STAB1: variants seen among roughly 807,000 people sequenced by gnomAD.
The protein encoded by STAB1 is stabilin 1, also known as stabilin-1.
In STAB1, 250 loss-of-function variants were observed where a neutral mutation model predicts 332.4. The observed-to-expected ratio is 0.75, with a 90% CI of 0.68 to 0.84. STAB1 has a LOEUF of 0.84. Ranked by LOEUF, STAB1 falls within the 40% of genes least tolerant of loss-of-function variation. The pLI, the probability that STAB1 is intolerant of heterozygous loss-of-function variation, is 0.00. For missense variants in STAB1, 3,249 were observed against 3,489.7 expected (o/e 0.93, Z 1.74); for synonymous variants, 1,475 against 1,390.4 (o/e 1.06, Z -1.35).
At chr3:52,512,264 A>C (rs1709350298) in intron 26 of STAB1, 77 bp from the exon 27 acceptor site, 1 of 1,399,016 alleles carries the variant, frequency 7.1e-7, no homozygotes, top group African/African-American at 1.4e-5. Context: ...GTGGCTGGAC[A>C]GGCAGAAAGA....
rs1367835807 is a variant in STAB1 at position 52,509,910 on chromosome 3, C to A, written c.2388C>A (p.Gly796=). ...ATGGTCTCTGCGACAACCGCCCAGG[C>A]AGTGGGGGGGTGTGCCAGCAGGGCA... ...CVHGLCDNRP[G]SGGVCQQGTC... is the part of the protein sequence containing the mutation. The change falls in exon 23 of 69, where the codon GGC becomes GGA. Residue 796 remains glycine (G), a synonymous_variant. Transcript: ENST00000321725. The A allele has an allele frequency of 6.2e-7, 1 of 1,613,054 alleles. No individual in the cohort carries two copies. The highest frequency in any genetic ancestry group is 2.2e-5 in the East Asian group (1 of 44,882).
intron 25 of STAB1, among the ~76,000 whole-genome samples, chr3:52,511,249 T>C (rs2153233517): frequency 6.6e-6 from 1 of 152,186 alleles, no homozygotes; most frequent in Non-Finnish European, 1.5e-5. Context: ...TGGCATTTGG[T>C]TGGGGGATTA....
In STAB1 at chr3:52,518,579, T is replaced by A; in HGVS notation, c.4853T>A (p.Val1618Glu). 1 of 1,601,826 alleles carries A rather than the reference T, an allele frequency of 6.2e-7. No homozygotes were observed. The highest frequency in any genetic ancestry group is 8.5e-7 in the Non-Finnish European group (1 of 1,174,416). The part of the protein sequence containing the change: ...LKGDGPFTIF[V>E]PHADLMSNLS... ...GGCGATGGGCCTTTCACCATCTTCG[T>A]GCCGCACGCAGATCTAATGAGCAAC... Residue 1618 changes from valine (V) to glutamate (E), a missense_variant, in exon 47 of 69, where the codon GTG becomes GAG. Transcript: ENST00000321725.
Position 52,503,800 on chromosome 3 carries a change from T to A in STAB1, c.920T>A (p.Val307Asp), listed in dbSNP as rs1708632537. ...QAFCTCRPGLVSINSNASAGC... is the reference protein window; with the variant it reads ...QAFCTCRPGLDSINSNASAGC... ...TTCTGCACCTGCCGGCCAGGCCTGG[T>A]CAGCATCAACAGCAACGCTTCTGCG... is the stretch of plus-strand genomic sequence containing the variant. The change falls in exon 9 of 69, where the codon GTC becomes GAC. Residue 307 changes from valine to aspartate, a missense_variant. Coordinates refer to ENST00000321725, the MANE Select transcript of STAB1 (RefSeq NM_015136.3). 1.2e-6 allele frequency: 2 copies of A among 1,613,158 alleles called. No individual in the cohort carries two copies. The highest frequency in any genetic ancestry group is 2.2e-5 in the East Asian group (1 of 44,890).
intron 16 of STAB1, 52 bp from the exon 17 acceptor site, chr3:52,506,118 C>T (rs1708841540): frequency 6.4e-7 from 1 of 1,574,122 alleles, no homozygotes; most frequent in East Asian, 2.3e-5. Flanking sequence ...CTGGGCGTGG[C>T]CCCAAGGTAT....
intron 1 of STAB1, among the ~76,000 whole-genome samples, chr3:52,497,338 T>C (rs1284827690): frequency 6.6e-6 from 1 of 151,954 alleles, no homozygotes; most frequent in Admixed American, 6.6e-5. Context: ...GTATTCGGTA[T>C]TATAAGTCGT....
chr3:52,505,556 T>C, intron 14 of STAB1, 112 bp from the exon 15 acceptor site: 1 of 1,235,050 alleles, frequency 8.1e-7, no homozygotes, highest in Non-Finnish European at 1.1e-6. Context: ...TGCCCATGTC[T>C]CCCCCTTACT....
intron 25 of STAB1, 28 bp downstream of exon 25, chr3:52,510,535 G>A: frequency 6.2e-7 from 1 of 1,602,876 alleles, no homozygotes; most frequent in Non-Finnish European, 8.5e-7. Flanking sequence ...AGGGGTGGGG[G>A]CCTTGGTTCT....
Position 52,522,364 on chromosome 3 carries a change from T to C in STAB1, c.6500T>C (p.Val2167Ala), listed in dbSNP as rs760094174. 1.8e-5 allele frequency: 29 copies of C among 1,612,878 alleles called. No individual in the cohort carries two copies. The highest frequency in any genetic ancestry group is 6.7e-5 in the East Asian group (3 of 44,884). Residue 2167 changes from valine (V) to alanine (A), a missense_variant, in exon 60 of 69, where the codon GTA (valine) becomes GCA (alanine). Transcript: ENST00000321725. ...CGCTGTGAGTGCCACGCAGGCTACG[T>C]AGGCGATGGACTGCAGTGTCTGGAG... ...TRRCECHAGY[V>A]GDGLQCLEES...
intron 67 of STAB1, 30 bp downstream of exon 67, chr3:52,524,047 G>C (rs991276774): frequency 6.2e-7 from 1 of 1,612,126 alleles, no homozygotes; most frequent in Non-Finnish European, 8.5e-7. Context: ...GCCATGGCGG[G>C]TCCTTGGATC....
In STAB1 at chr3:52,497,300, A is replaced by G. The variant is rs558691064; in HGVS notation, c.78+1809A>G. Among the ~76,000 whole-genome samples, 8 of 150,812 alleles carry G rather than the reference A, an allele frequency of 5.3e-5. No individual in the cohort carries two copies. In the East Asian group the frequency reaches 1.6e-3, roughly 30 times the overall value. On this transcript the variant is annotated intron_variant, in intron 1 of 68. Coordinates refer to ENST00000321725, the MANE Select transcript of STAB1 (RefSeq NM_015136.3). The stretch of plus-strand genomic sequence containing the variant: ...CCACCGTGCCCAACCCCATGTTCAG[A>G]CTTTTCTATGTACATAGCATTTACA...
rs868826760 is a variant in STAB1, at chr3:52,516,445, G to A, written c.4234G>A (p.Asp1412Asn). ...CGTGGGCTGGCAGGGCCTCCGCTGT[G>A]ACCAGAGTGAGTGGGTCCCAATGGG... ...CNVGWQGLRCDQKITSPQCPR... is the reference protein window; with the variant it reads ...CNVGWQGLRCNQKITSPQCPR... The change falls in exon 39 of 69, where the codon GAC becomes AAC. Residue 1412 changes from aspartate (D) to asparagine (N), a missense_variant. Physicochemically the swap from Asp to Asn is conservative, Grantham distance 23. Transcript: ENST00000321725. 6.2e-7 allele frequency: 1 copy of A among 1,613,238 alleles called. No individual in the cohort carries two copies. The highest frequency in any genetic ancestry group is 1.7e-5 in the Admixed American group (1 of 59,984).
rs772990262 is a variant in STAB1, at chr3:52,503,763, G to A, written c.892-9G>A. The A allele has an allele frequency of 5.0e-6, 8 of 1,612,706 alleles. No homozygotes were observed. Among genetic ancestry groups the A allele is most frequent in the African/African-American group, 1.3e-5 (1 of 74,914 alleles). The stretch of plus-strand genomic sequence containing the variant: ...CGTGGTGTTCCCCTCCTGCCCTGTC[G>A]GGGGCCAGGCCTTCTGCACCTGCCG... On this transcript the variant is annotated splice_polypyrimidine_tract_variant and intron_variant, in intron 8 of 68. Coordinates refer to ENST00000321725, the MANE Select transcript of STAB1 (RefSeq NM_015136.3).
intron 38 of STAB1, 28 bp downstream of exon 38, chr3:52,516,266 G>GC: frequency 4.9e-5 from 39 of 794,000 alleles, no homozygotes; most frequent in Non-Finnish European, 8.2e-5. Flanking sequence ...GCGGGGGTGG[G>GC]CCTCCTGGCA....
chr3:52,509,960 G>A lies in STAB1; in HGVS notation c.2438G>A (p.Arg813Gln), dbSNP rs201959289. Residue 813 changes from arginine to glutamine, a missense_variant, in exon 23 of 69, where the codon CGG becomes CAG. By Grantham distance (43) the Arg-to-Gln change is conservative. Transcript: ENST00000321725. ...ACGTGTGCCCCTGGCTTCAGTGGCC[G>A]GTTCTGCAACGAGTCCATGGGGGAC... Reference protein sequence around the residue: ...QGTCAPGFSGRFCNESMGDCG... With the variant: ...QGTCAPGFSGQFCNESMGDCG... The A allele has an allele frequency of 3.8e-5, 61 of 1,612,458 alleles. No homozygotes were observed. In the East Asian group the frequency reaches 8.2e-4, roughly 22 times the overall value.
chr3:52,496,761 G>C (rs1708056384), intron 1 of STAB1, among the ~76,000 whole-genome samples: 1 of 152,188 alleles, frequency 6.6e-6, no homozygotes, highest in South Asian at 2.1e-4. Context: ...TCAGTGAGGG[G>C]CCTCAGATTC....
Position 52,509,925 on chromosome 3 carries a change from C to T in STAB1, c.2403C>T (p.Cys801=), listed in dbSNP as rs1559690707. 3.7e-6 allele frequency: 6 copies of T among 1,612,912 alleles called. No homozygotes were observed. In the Admixed American group the frequency reaches 5.0e-5, roughly 13 times the overall value. The change falls in exon 23 of 69, where the codon TGC becomes TGT. Residue 801 remains cysteine, a synonymous_variant. Coordinates refer to ENST00000321725, the MANE Select transcript of STAB1 (RefSeq NM_015136.3). ...ACCGCCCAGGCAGTGGGGGGGTGTGCCAGCAGGGCACGTGTGCCCCTGGCT... is the reference window on the plus strand; with the variant it reads ...ACCGCCCAGGCAGTGGGGGGGTGTGTCAGCAGGGCACGTGTGCCCCTGGCT... ...CDNRPGSGGV[C]QQGTCAPGFS... is the part of the protein sequence containing the mutation.
Position 52,501,309 on chromosome 3 carries a change from G to A in STAB1, c.215+7G>A, listed in dbSNP as rs1340564981. On this transcript the variant is annotated splice_region_variant and intron_variant, in intron 2 of 68. Transcript: ENST00000321725. ...AGATAACCCAGGACTGCCGGTGCGG[G>A]CCACCCCTGTCCTTGCCTGTGTCCA... is the stretch of plus-strand genomic sequence containing the variant. The A allele has an allele frequency of 1.2e-6, 2 of 1,612,426 alleles. No homozygotes were observed. The highest frequency in any genetic ancestry group is 1.7e-6 in the Non-Finnish European group (2 of 1,179,484).
At position 52,522,706 on chromosome 3, in the gene STAB1, G is replaced by T. The variant is rs989648249; in HGVS notation, c.6744+18G>T. 6.2e-7 allele frequency: 1 copy of T among 1,612,788 alleles called. No homozygotes were observed. Among genetic ancestry groups the T allele is most frequent in the African/African-American group, 1.3e-5 (1 of 75,014 alleles). On this transcript the variant is annotated intron_variant, in intron 61 of 68. Transcript: ENST00000321725. Reference sequence around the variant, plus strand: ...CCCAGCAGGTGTGTGGGGCCCAGAAGTTGGGGCCAAGTGTTGGGGGAGGCC... The same window carrying T: ...CCCAGCAGGTGTGTGGGGCCCAGAATTTGGGGCCAAGTGTTGGGGGAGGCC...
Sources: gnomAD v4.1 joint callset for allele counts (sites outside exome capture counted in the v4.1 genomes callset) on GRCh38, gnomAD v4.1.1 for gene constraint, MANE v1.5 for transcripts, NCBI Gene and HGNC (gene_info 2026-07-23, HGNC 2026-07-21) for gene names.